Variants in COPB2 observed in about 807,000 individuals in gnomAD.
COPB2 encodes the protein coat protein complex I subunit beta 2.
A neutral mutation model predicts 120.8 loss-of-function variants in COPB2; 16 were observed. The ratio of observed to expected loss-of-function variants is 0.13; its 90% CI spans 0.09 to 0.20. COPB2 has a LOEUF of 0.20. COPB2 is among the 10% of genes least tolerant of loss of function. The probability of loss-of-function intolerance (pLI) is 1.00; values close to 1 mark genes in which losing one functional copy is unlikely to be tolerated. For missense variants in COPB2, 794 were observed against 1,076.5 expected, an observed-to-expected ratio of 0.74 and a Z score of 3.67; for synonymous variants, 332 against 366.3, an observed-to-expected ratio of 0.91 and a Z score of 1.07.
chr3:139,370,322 T>C (rs1941600524), intron 10 of COPB2, among the ~76,000 whole-genome samples: 1 of 152,224 alleles, frequency 6.6e-6, no homozygotes, highest in African/African-American at 2.4e-5. Flanking sequence ...AATGTGGATA[T>C]GCTAGACAAA....
At chr3:139,383,571 T>G in intron 1 of COPB2, 136 bp from the exon 2 acceptor site, 1 of 755,294 alleles carries the variant, frequency 1.3e-6, no homozygotes. Context: ...CAGTTTCAAG[T>G]CTAAGCACTT....
Position 139,371,751 on chromosome 3 carries a change from C to G in COPB2, c.1177G>C (p.Glu393Gln). The G allele has an allele frequency of 4.3e-6, 7 of 1,613,942 alleles. No homozygotes were observed. The highest frequency in any genetic ancestry group is 5.9e-6 in the Non-Finnish European group (7 of 1,179,904). The change falls in exon 10 of 22, where the codon GAG becomes CAG. Residue 393 changes from glutamate (E) to glutamine (Q), a missense_variant. Transcript: ENST00000333188. Reference protein sequence around the residue: ...LRNKSFGSAQEFAWAHDSSEY... With the variant: ...LRNKSFGSAQQFAWAHDSSEY... ...GAAGAATCGTGGGCCCATGCAAACT[C>G]CTGAGCAGATCCAAAGCTCTTGTTT...
rs1400218244 is a variant in COPB2, at chr3:139,369,690, C to T, written c.1206-146G>A. 11 of 612,838 alleles carry T rather than the reference C, an allele frequency of 1.8e-5. No homozygotes were observed. In the Admixed American group the frequency reaches 3.5e-4, roughly 19 times the overall value. 38.0% of individuals were successfully genotyped at this position (612,838 alleles called of 1,614,324 possible). The stretch of plus-strand genomic sequence containing the variant: ...GAAGATTATCTGATGTACTGTTTTC[C>T]TAAGAGATCAGAGAACTCCTTACAG... On this transcript the variant is annotated intron_variant, in intron 10 of 21. Transcript: ENST00000333188.
chr3:139,373,996 A>G (rs537405993), intron 7 of COPB2, among the ~76,000 whole-genome samples, 188 bp from the exon 8 acceptor site: 45 of 152,332 alleles, frequency 3.0e-4, no homozygotes, highest in African/African-American at 1.1e-3. Context: ...CACATAACAT[A>G]TAAGAAACAA....
chr3:139,371,657 G>T, intron 10 of COPB2, 66 bp downstream of exon 10: 1 of 1,342,180 alleles, frequency 7.5e-7, no homozygotes, highest in Non-Finnish European at 1.1e-6. Flanking sequence ...AGCCTTGAGA[G>T]TCTTCAAGCA....
chr3:139,372,570 G>T lies in COPB2; in HGVS notation c.1094+643C>A, dbSNP rs980554033. The stretch of plus-strand genomic sequence containing the variant: ...CAAATAATTATGGATACCATTTACT[G>T]AACTAGGCGGCATACTTGGTTTATA... On this transcript the variant is annotated intron_variant, in intron 9 of 21. Coordinates refer to ENST00000333188, the MANE Select transcript of COPB2 (RefSeq NM_004766.3). Among the ~76,000 whole-genome samples, 13 of 152,226 alleles carry T rather than the reference G, an allele frequency of 8.5e-5. No individual in the cohort carries two copies. The South Asian group carries it at 2.7e-3, about 32-fold the overall frequency.
chr3:139,387,208 C>T (rs1941941005), intron 1 of COPB2, among the ~76,000 whole-genome samples: 1 of 144,742 alleles, frequency 6.9e-6, no homozygotes, highest in Non-Finnish European at 1.5e-5. Flanking sequence ...GAGATTCTGT[C>T]AAGAAAGAAA....
chr3:139,383,666 G>C lies in COPB2; in HGVS notation c.4-231C>G, dbSNP rs1393319570. On this transcript the variant is annotated intron_variant, in intron 1 of 21. Transcript: ENST00000333188. ...TGGTCTTCAAGCTTTTTGCTCTAAGGATTCCTTTATAGTCCTTAAACACTT... is the reference window on the plus strand; with the variant it reads ...TGGTCTTCAAGCTTTTTGCTCTAAGCATTCCTTTATAGTCCTTAAACACTT... Among the ~76,000 whole-genome samples the C allele has an allele frequency of 3.3e-5, 5 of 152,116 alleles. No homozygotes were observed. In the South Asian group the frequency reaches 8.3e-4, roughly 25 times the overall value.
chr3:139,360,957 G>T, intron 17 of COPB2, 124 bp downstream of exon 17: 1 of 1,034,726 alleles, frequency 9.7e-7, no homozygotes, highest in Non-Finnish European at 1.4e-6. Flanking sequence ...GTCCTGTTCT[G>T]ACTGCCCCGT....
chr3:139,362,824 CAG>C (rs932521080), intron 15 of COPB2, among the ~76,000 whole-genome samples: 3 of 152,234 alleles, frequency 2.0e-5, no homozygotes, highest in Non-Finnish European at 2.9e-5. Context: ...TAAATATAAA[CAG>C]ATATGTCAAA....
At chr3:139,372,947 G>C (rs1295604502) in intron 9 of COPB2, among the ~76,000 whole-genome samples, 1 of 152,158 alleles carries the variant, frequency 6.6e-6, no homozygotes, top group African/African-American at 2.4e-5. Context: ...CAAACTCAAT[G>C]CATGCGAAAT....
At chr3:139,387,757 G>A (rs1224531981) in intron 1 of COPB2, among the ~76,000 whole-genome samples, 1 of 152,190 alleles carries the variant, frequency 6.6e-6, no homozygotes, top group Non-Finnish European at 1.5e-5. Flanking sequence ...CATTTCAGAT[G>A]TGCAATAGTG....
intron 21 of COPB2, 40 bp from the exon 22 acceptor site, chr3:139,357,998 C>T (rs911654249): frequency 4.0e-6 from 5 of 1,254,938 alleles, no homozygotes; most frequent in Non-Finnish European, 5.7e-6. Flanking sequence ...TTTTACAGTA[C>T]TGTTAAAGGA....
chr3:139,369,286 C>T lies in COPB2; in HGVS notation c.1376G>A (p.Arg459Gln), dbSNP rs1022723393. The T allele has an allele frequency of 4.4e-6, 7 of 1,607,774 alleles. No homozygotes were observed. The highest frequency in any genetic ancestry group is 1.7e-4 in the Middle Eastern group (1 of 6,048). The change falls in exon 12 of 22, where the codon CGA becomes CAA. Residue 459 changes from arginine to glutamine, a missense_variant. Arg to Gln is a conservative substitution (Grantham distance 43). Transcript: ENST00000333188. ...ATGTTTGGGCTGAATTTCAATTCTT[C>T]GTATGAGTTCTGTATTGTCCCAGTC... ...FYDWDNTELIRRIEIQPKHIF... is the reference protein window; with the variant it reads ...FYDWDNTELIQRIEIQPKHIF...
At chr3:139,375,653 C>T in intron 5 of COPB2, 39 bp from the exon 6 acceptor site, 3 of 1,595,834 alleles carry the variant, frequency 1.9e-6, no homozygotes, top group South Asian at 2.3e-5. Flanking sequence ...AATATGGGGC[C>T]TTGCTTTACA....
chr3:139,362,253 T>C (rs1941433524), intron 16 of COPB2, among the ~76,000 whole-genome samples, 154 bp downstream of exon 16: 1 of 152,198 alleles, frequency 6.6e-6, no homozygotes, highest in African/African-American at 2.4e-5. Flanking sequence ...ACATAATACA[T>C]CTTTTAAAAA....
chr3:139,380,306 T>TA, intron 2 of COPB2: 1 of 152,304 alleles, frequency 6.6e-6, no homozygotes, highest in African/African-American at 2.4e-5. Context: ...CCACTGCACC[T>TA]AGTCAGTCTT....
rs754732131 is a variant in COPB2, at chr3:139,369,440, T to C, written c.1294+16A>G. On this transcript the variant is annotated intron_variant, in intron 11 of 21. Transcript: ENST00000333188. The stretch of plus-strand genomic sequence containing the variant: ...ACAAAGAATTTAAAAATGTATCATA[T>C]GTAGATCACACTCACTTTCTGCTCC... The C allele has an allele frequency of 3.1e-6, 5 of 1,606,910 alleles. No individual in the cohort carries two copies. The highest frequency in any genetic ancestry group is 3.4e-6 in the Non-Finnish European group (4 of 1,176,000).
chr3:139,380,903 G>A (rs926344018), intron 2 of COPB2: 1 of 152,180 alleles, frequency 6.6e-6, no homozygotes, highest in Non-Finnish European at 1.5e-5. Context: ...GGGATCTGCT[G>A]AGCAGTAAAA....
Sources: gnomAD v4.1 joint callset for allele counts (sites outside exome capture counted in the v4.1 genomes callset) on GRCh38, gnomAD v4.1.1 for gene constraint, MANE v1.5 for transcripts, NCBI Gene and HGNC (gene_info 2026-07-23, HGNC 2026-07-21) for gene names.